TCERG1L: variants seen among roughly 807,000 people sequenced by gnomAD.
TCERG1L encodes transcription elongation regulator 1 like.
TCERG1L carries 37 observed loss-of-function variants against 56.3 expected under a neutral mutation model. That is an observed-to-expected ratio of 0.66 (90% CI 0.51 to 0.87). The LOEUF (loss-of-function observed/expected upper bound fraction) is 0.87. Among genes scored for constraint, TCERG1L ranks in the 40% least tolerant of loss-of-function variants. TCERG1L has a pLI of 0.00. For synonymous variants in TCERG1L, 324 were observed against 326.3 expected, an observed-to-expected ratio of 0.99 and a Z score of 0.08; for missense variants, 799 against 774.2, an observed-to-expected ratio of 1.03 and a Z score of -0.38.
chr10:131,094,729 CTCCTTCCCCCT>C lies in TCERG1L; in HGVS notation c.1605-1422_1605-1412del, dbSNP rs1244113617. On this transcript the variant is annotated intron_variant, in intron 11 of 11. Transcript: ENST00000368642. ...CCCGGTTCCTTTCTTCCTTCTCTCC[CTCCTTCCCCCT>C]TCCTTCCTTTACTGATGTAACCACC... Among the ~76,000 whole-genome samples, 8 of 152,180 alleles carry C rather than the reference CTCCTTCCCCCT, an allele frequency of 5.3e-5. No individual in the cohort carries two copies. In the East Asian group the frequency reaches 1.4e-3, roughly 26 times the overall value.
intron 4 of TCERG1L, among the ~76,000 whole-genome samples, chr10:131,240,958 G>A (rs553573369): frequency 1.3e-5 from 2 of 152,368 alleles, no homozygotes; most frequent in African/African-American, 2.4e-5. Flanking sequence ...CAGGGCAGAA[G>A]GGGGCCAAAC....
At chr10:131,250,554 T>C (rs1418763077) in intron 4 of TCERG1L, among the ~76,000 whole-genome samples, 2 of 152,114 alleles carry the variant, frequency 1.3e-5, no homozygotes, top group African/African-American at 4.8e-5. Context: ...GAGACACACA[T>C]GGGTTGTGAA....
intron 4 of TCERG1L, among the ~76,000 whole-genome samples, chr10:131,259,906 C>T (rs1156387014): frequency 3.3e-5 from 5 of 152,258 alleles, no homozygotes; most frequent in South Asian, 2.1e-4. Context: ...CTGCACGTCC[C>T]GTGCAAGAAA....
At chr10:131,230,098 A>G (rs1438255119) in intron 4 of TCERG1L, among the ~76,000 whole-genome samples, 4 of 152,154 alleles carry the variant, frequency 2.6e-5, no homozygotes, top group African/African-American at 7.2e-5. Context: ...AGCATGACAC[A>G]ATTTTCCCCT....
intron 4 of TCERG1L, among the ~76,000 whole-genome samples, chr10:131,185,774 T>C (rs916233237): frequency 6.6e-6 from 1 of 151,934 alleles, no homozygotes; most frequent in Non-Finnish European, 1.5e-5. Context: ...GATGGCTGAA[T>C]GTAAAATGGT....
At chr10:131,102,478 G>C (rs2133381027) in intron 10 of TCERG1L, among the ~76,000 whole-genome samples, 1 of 152,300 alleles carries the variant, frequency 6.6e-6, no homozygotes, top group Admixed American at 6.5e-5. Context: ...TTTGCTTAAA[G>C]GGATTTTATG....
chr10:131,163,281 G>A lies in TCERG1L; in HGVS notation c.946-71C>T, dbSNP rs1431941732. 1.2e-5 allele frequency: 15 copies of A among 1,252,962 alleles called. No homozygotes were observed. The South Asian group carries it at 2.0e-4, about 17-fold the overall frequency. 77.6% of individuals were successfully genotyped at this position (1,252,962 alleles called of 1,614,324 possible). A position where few individuals can be genotyped will look rare whatever the true frequency, so the allele number is the denominator to read the frequency against. On this transcript the variant is annotated intron_variant, in intron 5 of 11. Transcript: ENST00000368642. ...TCATCTTCAATTACAAGCAAGGAAG[G>A]GAGGAATAAACAAATCTCCTGCAGG...
At chr10:131,124,399 G>A (rs1037158827) in intron 8 of TCERG1L, among the ~76,000 whole-genome samples, 27 of 151,978 alleles carry the variant, frequency 1.8e-4, no homozygotes, top group Admixed American at 4.6e-4. Context: ...TCTTGGCACC[G>A]CAGACCTTGC....
intron 4 of TCERG1L, among the ~76,000 whole-genome samples, chr10:131,255,944 A>T (rs1414134970): frequency 1.3e-5 from 2 of 152,218 alleles, no homozygotes; most frequent in Non-Finnish European, 2.9e-5. Flanking sequence ...TGCGTAACAA[A>T]CTATACAAAA....
At chr10:131,306,201 TTGGCCTAAGAGACATTCAA>T (rs1846816954) in intron 3 of TCERG1L, among the ~76,000 whole-genome samples, 1 of 152,180 alleles carries the variant, frequency 6.6e-6, no homozygotes, top group Non-Finnish European at 1.5e-5. Flanking sequence ...GATGCTTTCT[TTGGCCTAAGAGACATTCAA>T]TATGTGCATG....
rs751877949 is a variant in TCERG1L, at chr10:131,260,338, C to T, written c.777G>A (p.Pro259=). The change falls in exon 4 of 12, where the codon CCG becomes CCA. Residue 259 remains proline (P), a synonymous_variant. Coordinates refer to ENST00000368642, the MANE Select transcript of TCERG1L (RefSeq NM_174937.4). The surrounding 1 kb of genome is among the most constrained non-coding windows in gnomAD (Gnocchi z 5.8). ...VSVDPENLRG[P]SPSSVQPRHF... ...GGCGCGGCTGCACGCTGGAGGGGGA[C>T]GGGCCCCGGAGGTTCTCAGGGTCCA... The T allele has an allele frequency of 3.5e-5, 51 of 1,473,084 alleles. No individual in the cohort carries two copies. The highest frequency in any genetic ancestry group is 1.1e-4 in the East Asian group (4 of 36,544). 91.3% of individuals were successfully genotyped at this position (1,473,084 alleles called of 1,614,324 possible).
chr10:131,220,616 C>T (rs986725316), intron 4 of TCERG1L, among the ~76,000 whole-genome samples: 1 of 152,160 alleles, frequency 6.6e-6, no homozygotes. Flanking sequence ...TGTGCTCCTG[C>T]AGAGCTCTCA....
intron 4 of TCERG1L, among the ~76,000 whole-genome samples, chr10:131,253,772 G>T (rs891330563): frequency 5.3e-5 from 8 of 152,132 alleles, no homozygotes; most frequent in African/African-American, 1.9e-4. Context: ...AGGTGTGGCT[G>T]GATGCTGTTC....
At chr10:131,275,698 T>C (rs568276358) in intron 3 of TCERG1L, among the ~76,000 whole-genome samples, 1 of 152,130 alleles carries the variant, frequency 6.6e-6, no homozygotes, top group Admixed American at 6.5e-5. Context: ...CCAACACCCA[T>C]CTATACCCCA....
chr10:131,266,143 C>T (rs145836103), intron 3 of TCERG1L, among the ~76,000 whole-genome samples: 15 of 152,358 alleles, frequency 9.8e-5, no homozygotes, highest in African/African-American at 2.6e-4. Context: ...TATGTTCACT[C>T]GTAAGAAGTA....
At chr10:131,093,677 G>A (rs538649107) in intron 11 of TCERG1L, among the ~76,000 whole-genome samples, 1 of 152,186 alleles carries the variant, frequency 6.6e-6, no homozygotes, top group Non-Finnish European at 1.5e-5. Flanking sequence ...CTGCCACCAG[G>A]CTCTGCCTGC....
intron 11 of TCERG1L, among the ~76,000 whole-genome samples, chr10:131,097,514 A>C (rs982827233): frequency 3.3e-5 from 5 of 151,948 alleles, no homozygotes; most frequent in Non-Finnish European, 7.4e-5. Context: ...CGCCCGGCTA[A>C]TTTTTTGTAT....
At chr10:131,128,494 A>C (rs1845585002) in intron 8 of TCERG1L, among the ~76,000 whole-genome samples, 3 of 152,356 alleles carry the variant, frequency 2.0e-5, no homozygotes, top group South Asian at 2.1e-4. Flanking sequence ...CTTCTAAAGG[A>C]TAAAGATAGT....
Position 131,146,638 on chromosome 10 carries a change from C to T in TCERG1L, c.1057G>A (p.Asp353Asn). ...SPWCVVWTGD[D>N]RVFFFNPTMH... ...GTTGGGTTGAAGAAGAAAACTCGGT[C>T]ATCGCCCGTCCAGACCACACACCTG... The change falls in exon 7 of 12, where the codon GAC becomes AAC. Residue 353 changes from aspartate to asparagine, a missense_variant. Physicochemically the swap from Asp to Asn is conservative, Grantham distance 23. Transcript: ENST00000368642. 6.2e-7 allele frequency: 1 copy of T among 1,613,682 alleles called. No homozygotes were observed. Among genetic ancestry groups the T allele is most frequent in the Middle Eastern group, 1.6e-4 (1 of 6,062 alleles).
Sources: gnomAD v4.1 joint callset for allele counts (sites outside exome capture counted in the v4.1 genomes callset) on GRCh38, gnomAD v4.1.1 for gene constraint, Gnocchi (gnomAD v3.1) non-coding constraint, MANE v1.5 for transcripts, NCBI Gene and HGNC (gene_info 2026-07-23, HGNC 2026-07-21) for gene names.